The following TMEM135 variants were observed in gnomAD, a reference collection of about 807,000 sequenced individuals.
TMEM135 encodes peroxisomal membrane protein 52.
TMEM135 carries 30 observed loss-of-function variants against 60.3 expected under a neutral mutation model. That is an observed-to-expected ratio of 0.50 (90% CI 0.37 to 0.68). The LOEUF is 0.68. Among genes scored for constraint, TMEM135 ranks in the 30% least tolerant of loss-of-function variants. TMEM135 has a pLI of 0.00. For synonymous variants in TMEM135, 190 were observed against 186.7 expected (o/e 1.02, Z -0.14); for missense variants, 468 against 548.8 (o/e 0.85, Z 1.47).
chr11:87,157,330 TTA>T lies in TMEM135; in HGVS notation c.397-10_397-9del. The T allele has an allele frequency of 6.2e-7, 1 of 1,611,914 alleles. No individual in the cohort carries two copies. Among genetic ancestry groups the T allele is most frequent in the East Asian group, 2.2e-5 (1 of 44,752 alleles). On this transcript the variant is annotated splice_polypyrimidine_tract_variant and intron_variant, in intron 4 of 14. Transcript: ENST00000305494. ...CATATATTTTTGCTGTTTTTTTTTT[TTA>T]ATTTACAGGCCACAGAAACACTATT...
chr11:87,290,187 T>G (rs1942240893), intron 6 of TMEM135, among the ~76,000 whole-genome samples: 1 of 152,324 alleles, frequency 6.6e-6, no homozygotes, highest in African/African-American at 2.4e-5. Context: ...CTCATTCTTT[T>G]CAGCTCATTA....
In TMEM135 at chr11:87,327,936, G is replaced by A. The variant is rs1388185342; in HGVS notation, c.*6603G>A. On this transcript the variant is annotated 3_prime_UTR_variant, in exon 15 of 15. Transcript: ENST00000305494. ...TACCCAGGCCTCCAGTGGATTGGAG[G>A]TGCCTGCCCATATTGAGGGCAGATC... The A allele has an allele frequency of 2.2e-6, 1 of 453,852 alleles. No homozygotes were observed. The highest frequency in any genetic ancestry group is 4.4e-6 in the Non-Finnish European group (1 of 226,780). The allele number at this position is 453,852 out of a possible 1,614,324, so 28.1% of individuals were successfully genotyped here.
intron 4 of TMEM135, among the ~76,000 whole-genome samples, chr11:87,101,108 A>C (rs1288465327): frequency 6.6e-6 from 1 of 152,202 alleles, no homozygotes; most frequent in African/African-American, 2.4e-5. Context: ...GTTGATAGTG[A>C]ATTAGTTATT....
chr11:87,287,386 G>A (rs1170190620), intron 6 of TMEM135, among the ~76,000 whole-genome samples: 2 of 152,160 alleles, frequency 1.3e-5, no homozygotes, highest in South Asian at 2.1e-4. Flanking sequence ...CTTAATAAAT[G>A]TTTGTTTTTT....
Position 87,326,309 on chromosome 11 carries a change from G to A in TMEM135, c.*4976G>A, listed in dbSNP as rs558333070. 99 of 454,064 alleles carry A rather than the reference G, an allele frequency of 2.2e-4. No homozygotes were observed. The highest frequency in any genetic ancestry group is 3.7e-4 in the Non-Finnish European group (85 of 226,788). The allele number at this position is 454,064 out of a possible 1,614,324, so 28.1% of individuals were successfully genotyped here. A position where few individuals can be genotyped will look rare whatever the true frequency, so the allele number is the denominator to read the frequency against. ...ATTCAGGCTTCCATAAAGTAGACCT[G>A]TAGACCTATGTTGGCTGAGGTCACC... On this transcript the variant is annotated 3_prime_UTR_variant, in exon 15 of 15. Coordinates refer to ENST00000305494, the MANE Select transcript of TMEM135 (RefSeq NM_022918.4).
intron 4 of TMEM135, among the ~76,000 whole-genome samples, chr11:87,139,291 A>G (rs940750392): frequency 2.6e-5 from 4 of 152,154 alleles, no homozygotes; most frequent in Non-Finnish European, 5.9e-5. Flanking sequence ...GTATTTTGAG[A>G]AAACAGCCTT....
intron 5 of TMEM135, among the ~76,000 whole-genome samples, chr11:87,213,062 T>C (rs929501779): frequency 3.9e-5 from 6 of 152,184 alleles, no homozygotes; most frequent in African/African-American, 1.4e-4. Context: ...TGGGTTCTTA[T>C]GGAGCTTACA....
At chr11:87,081,736 G>T (rs1303076049) in intron 3 of TMEM135, among the ~76,000 whole-genome samples, 1 of 149,270 alleles carries the variant, frequency 6.7e-6, no homozygotes, top group Non-Finnish European at 1.5e-5. Flanking sequence ...ATGAGCTTTT[G>T]CACTAGTGTT....
At chr11:87,079,680 G>T (rs548071374) in intron 3 of TMEM135, among the ~76,000 whole-genome samples, 1 of 151,576 alleles carries the variant, frequency 6.6e-6, no homozygotes, top group South Asian at 2.1e-4. Flanking sequence ...ATTGTTAGCT[G>T]TGGGGTGGTT....
intron 9 of TMEM135, 115 bp from the exon 10 acceptor site, chr11:87,309,390 A>G (rs1942603581): frequency 9.4e-7 from 1 of 1,066,486 alleles, no homozygotes; most frequent in African/African-American, 1.6e-5. Context: ...GCTGTGCTAT[A>G]AACTTAGATT....
intron 4 of TMEM135, among the ~76,000 whole-genome samples, chr11:87,127,075 G>A (rs1687038774): frequency 6.6e-6 from 1 of 152,108 alleles, no homozygotes; most frequent in Non-Finnish European, 1.5e-5. Context: ...AACAGTTTTG[G>A]ATATTTTCCA....
At chr11:87,128,288 C>G (rs937521246) in intron 4 of TMEM135, among the ~76,000 whole-genome samples, 37 of 152,130 alleles carry the variant, frequency 2.4e-4, no homozygotes, top group Admixed American at 1.3e-4. Context: ...TATGCATTTG[C>G]GTATACATGT....
chr11:87,272,051 C>CTTTT (rs773654603), intron 6 of TMEM135, among the ~76,000 whole-genome samples: 4 of 81,128 alleles, frequency 4.9e-5, no homozygotes, highest in African/African-American at 1.6e-4. Flanking sequence ...TTTTTCTTTT[C>CTTTT]TTTTTTTTTT....
In TMEM135 at chr11:87,246,374, A is replaced by G. The variant is rs1201206744; in HGVS notation, c.509+9690A>G. ...GGAGTATCTTTGTGGCATTCTCTGTATTTCCTGAATCTGAATGTTGGCCTG... is the reference window on the plus strand; with the variant it reads ...GGAGTATCTTTGTGGCATTCTCTGTGTTTCCTGAATCTGAATGTTGGCCTG... On this transcript the variant is annotated intron_variant, in intron 6 of 14. Transcript: ENST00000305494. 2.0e-5 allele frequency among the ~76,000 whole-genome samples: 3 copies of G among 151,224 alleles called. No individual in the cohort carries two copies. In the South Asian group the frequency reaches 6.3e-4, roughly 32 times the overall value.
intron 6 of TMEM135, among the ~76,000 whole-genome samples, chr11:87,288,761 T>C (rs1476903730): frequency 6.6e-6 from 1 of 152,204 alleles, no homozygotes; most frequent in East Asian, 1.9e-4. Context: ...CTTTCTCATA[T>C]CAAGATTTTT....
intron 6 of TMEM135, among the ~76,000 whole-genome samples, chr11:87,263,843 T>C (rs746796500): frequency 3.3e-5 from 5 of 152,082 alleles, no homozygotes; most frequent in Non-Finnish European, 7.4e-5. Flanking sequence ...TCAAATACCA[T>C]TAATTATTTT....
chr11:87,228,774 A>C lies in TMEM135; in HGVS notation c.463-7864A>C, dbSNP rs140754449. 9.8e-5 allele frequency among the ~76,000 whole-genome samples: 15 copies of C among 152,290 alleles called. No homozygotes were observed. In the South Asian group the frequency reaches 3.1e-3, roughly 32 times the overall value. On this transcript the variant is annotated intron_variant, in intron 5 of 14. Transcript: ENST00000305494. ...AGTTCTCTAGTAGAATTTAAAATGG[A>C]TATATGTTTTAACCACTTGCAGGCT...
At chr11:87,085,447 T>G (rs974344672) in intron 3 of TMEM135, among the ~76,000 whole-genome samples, 1 of 152,134 alleles carries the variant, frequency 6.6e-6, no homozygotes, top group Non-Finnish European at 1.5e-5. Flanking sequence ...AACAAGCAAG[T>G]GAATTACAGA....
intron 1 of TMEM135, among the ~76,000 whole-genome samples, chr11:87,041,191 C>T (rs1236936181): frequency 6.6e-6 from 1 of 151,844 alleles, no homozygotes; most frequent in Non-Finnish European, 1.5e-5. Flanking sequence ...GCTTATTATC[C>T]CCATTTTATA....
Sources: allele counts gnomAD v4.1 joint callset (sites outside exome capture counted in the v4.1 genomes callset), GRCh38; gene constraint gnomAD v4.1.1; transcripts MANE v1.5; gene names NCBI Gene and HGNC (gene_info 2026-07-23, HGNC 2026-07-21).